The following FSTL5 variants were observed in gnomAD, a reference collection of about 807,000 sequenced individuals.
FSTL5 encodes follistatin-related protein 5.
Under a neutral mutation model 89.1 loss-of-function variants are expected in FSTL5, and 62 were observed. That is an observed-to-expected ratio of 0.70 (90% CI 0.57 to 0.86). The LOEUF is 0.86. Ranked by LOEUF, FSTL5 falls within the 40% of genes least tolerant of loss-of-function variation. The probability of loss-of-function intolerance (pLI) is 0.00; values close to 1 mark genes in which losing one functional copy is unlikely to be tolerated. For missense variants in FSTL5, 1,057 were observed against 1,001.6 expected, an observed-to-expected ratio of 1.06 and a Z score of -0.75; for synonymous variants, 383 against 346.2, an observed-to-expected ratio of 1.11 and a Z score of -1.18.
At chr4:162,053,403 G>A (rs1009344925) in intron 2 of FSTL5, among the ~76,000 whole-genome samples, 6 of 151,752 alleles carry the variant, frequency 4.0e-5, no homozygotes, top group South Asian at 4.1e-4. Context: ...GCAGAGAAGC[G>A]CTTCATCTTT....
At chr4:162,063,274 A>C (rs1409837664) in intron 2 of FSTL5, among the ~76,000 whole-genome samples, 1 of 151,724 alleles carries the variant, frequency 6.6e-6, no homozygotes, top group Admixed American at 6.6e-5. Context: ...GTTTTTGTTC[A>C]AAAATATACA....
intron 3 of FSTL5, among the ~76,000 whole-genome samples, chr4:162,018,054 T>C (rs1307438037): frequency 6.6e-6 from 1 of 152,146 alleles, no homozygotes; most frequent in East Asian, 1.9e-4. Flanking sequence ...TGAGTTGCCC[T>C]CCTCTGGGTC....
rs192766245 is a variant in FSTL5 at position 161,667,205 on chromosome 4, A to G, written c.728-10711T>C. Among the ~76,000 whole-genome samples the G allele has an allele frequency of 6.1e-3, 921 of 152,186 alleles. 9 individuals are homozygous for G. The highest frequency in any genetic ancestry group is 0.045 in the South Asian group (219 of 4,832). On this transcript the variant is annotated intron_variant, in intron 6 of 15. Coordinates refer to ENST00000306100, the MANE Select transcript of FSTL5 (RefSeq NM_020116.5). ...TTCTGTTAACTTTCATTTAATTTCT[A>G]TCTTTCAAATGAATTATATAAAGTT...
At chr4:162,110,726 A>G (rs1731402850) in intron 2 of FSTL5, among the ~76,000 whole-genome samples, 1 of 151,612 alleles carries the variant, frequency 6.6e-6, no homozygotes, top group African/African-American at 2.4e-5. Context: ...CCTAAATATC[A>G]GTTTATTTTA....
At chr4:161,898,180 A>G (rs1252761027) in intron 4 of FSTL5, among the ~76,000 whole-genome samples, 1 of 148,940 alleles carries the variant, frequency 6.7e-6, no homozygotes, top group Non-Finnish European at 1.5e-5. Context: ...TGTATATATA[A>G]ATATATTTTA....
At chr4:161,398,644 G>C (rs1731080723) in intron 15 of FSTL5, among the ~76,000 whole-genome samples, 1 of 151,888 alleles carries the variant, frequency 6.6e-6, no homozygotes, top group South Asian at 2.1e-4. Flanking sequence ...AATTGTATCA[G>C]TTAGTCTCAA....
chr4:161,508,132 A>G lies in FSTL5; in HGVS notation c.1339+2266T>C, dbSNP rs1037543776. ...CTATAATTTTAATTATTTGTATGAAATACTTATACCCAATGATGGGGTTCA... is the reference window on the plus strand; with the variant it reads ...CTATAATTTTAATTATTTGTATGAAGTACTTATACCCAATGATGGGGTTCA... On this transcript the variant is annotated intron_variant, in intron 11 of 15. Coordinates refer to ENST00000306100, the MANE Select transcript of FSTL5 (RefSeq NM_020116.5). Among the ~76,000 whole-genome samples, 82 of 152,064 alleles carry G rather than the reference A, an allele frequency of 5.4e-4. 1 individual carries two copies. The highest frequency in any genetic ancestry group is 2.1e-4 in the Non-Finnish European group (14 of 67,944).
chr4:161,927,297 A>C (rs192429745), intron 3 of FSTL5, among the ~76,000 whole-genome samples: 4 of 151,864 alleles, frequency 2.6e-5, no homozygotes, highest in Non-Finnish European at 4.4e-5. Context: ...CCAACACTTA[A>C]AAAATATCTT....
chr4:161,921,199 C>T (rs567677646), intron 3 of FSTL5, among the ~76,000 whole-genome samples: 1 of 152,216 alleles, frequency 6.6e-6, no homozygotes, highest in South Asian at 2.1e-4. Flanking sequence ...GTTAAGAAGA[C>T]AGGAGTGGAA....
At chr4:161,713,492 T>C (rs1738868727) in intron 6 of FSTL5, among the ~76,000 whole-genome samples, 2 of 152,174 alleles carry the variant, frequency 1.3e-5, no homozygotes, top group Non-Finnish European at 2.9e-5. Context: ...TCTAAGACGG[T>C]AATGTTGTAC....
At chr4:161,596,941 G>A (rs989664365) in intron 7 of FSTL5, among the ~76,000 whole-genome samples, 1 of 152,102 alleles carries the variant, frequency 6.6e-6, no homozygotes. Context: ...CCCTTTGTCA[G>A]ATGAGTAGAT....
intron 6 of FSTL5, among the ~76,000 whole-genome samples, chr4:161,731,035 A>C (rs887212519): frequency 2.0e-5 from 3 of 152,204 alleles, no homozygotes; most frequent in Admixed American, 2.0e-4. Flanking sequence ...TCTTTAAAAC[A>C]CTTGTAGTTA....
At chr4:161,499,461 G>T (rs4510426) in intron 12 of FSTL5, among the ~76,000 whole-genome samples, 1 of 151,598 alleles carries the variant, frequency 6.6e-6, no homozygotes, top group Non-Finnish European at 1.5e-5. Flanking sequence ...ATAAATTATT[G>T]TCTCCATGTA....
At chr4:161,727,189 T>C (rs1037920666) in intron 6 of FSTL5, among the ~76,000 whole-genome samples, 4 of 152,190 alleles carry the variant, frequency 2.6e-5, no homozygotes, top group African/African-American at 4.8e-5. Flanking sequence ...AATCCTGCTG[T>C]TGCTTGACCT....
chr4:161,678,147 T>C (rs959444983), intron 6 of FSTL5, among the ~76,000 whole-genome samples: 9 of 151,840 alleles, frequency 5.9e-5, no homozygotes, highest in African/African-American at 1.9e-4. Context: ...TTCTATGATA[T>C]ATTTTTATGT....
chr4:162,093,637 T>G (rs904515489), intron 2 of FSTL5, among the ~76,000 whole-genome samples: 1 of 152,022 alleles, frequency 6.6e-6, no homozygotes, highest in African/African-American at 2.4e-5. Context: ...TGGTGTGTAT[T>G]TTTTTTAAAC....
intron 3 of FSTL5, among the ~76,000 whole-genome samples, chr4:161,961,712 A>G (rs1289113445): frequency 6.6e-6 from 1 of 151,846 alleles, no homozygotes; most frequent in African/African-American, 2.4e-5. Context: ...AAAAAGAACA[A>G]TATCAATTTC....
rs1732282226 is a variant in FSTL5 at position 161,872,128 on chromosome 4, G to GTTTTTTTGTTTGTTTTT, written c.409+48275_409+48276insAAAAACAAACAAAAAAA. ...CACATCTGGCTAGGCTTTGTAGTTT[G>GTTTTTTTGTTTGTTTTT]TTTTTTTTTTTGGTTTTTTTTTTTT... is the stretch of plus-strand genomic sequence containing the variant. On this transcript the variant is annotated intron_variant, in intron 4 of 15. Coordinates refer to ENST00000306100, the MANE Select transcript of FSTL5 (RefSeq NM_020116.5). Among the ~76,000 whole-genome samples the GTTTTTTTGTTTGTTTTT allele has an allele frequency of 4.7e-3, 302 of 63,948 alleles. 12 individuals carry two copies. Among genetic ancestry groups the GTTTTTTTGTTTGTTTTT allele is most frequent in the East Asian group, 6.6e-3 (10 of 1,514 alleles). The allele number at this position is 63,948 out of a possible 152,430, so 42.0% of individuals were successfully genotyped here.
intron 8 of FSTL5, among the ~76,000 whole-genome samples, chr4:161,546,935 T>C (rs967547855): frequency 6.6e-6 from 1 of 151,994 alleles, no homozygotes; most frequent in Admixed American, 6.6e-5. Flanking sequence ...CTGGATTTAA[T>C]GACGTGCTGT....
Sources: allele counts gnomAD v4.1 joint callset (sites outside exome capture counted in the v4.1 genomes callset), GRCh38; gene constraint gnomAD v4.1.1; transcripts MANE v1.5; gene names NCBI Gene and HGNC (gene_info 2026-07-23, HGNC 2026-07-21).